The following NLGN1 variants were observed in gnomAD, a reference collection of about 807,000 sequenced individuals.
The protein encoded by NLGN1 is neuroligin 1, also known as neuroligin-1.
A neutral mutation model predicts 65.5 loss-of-function variants in NLGN1; 12 were observed. The ratio of observed to expected loss-of-function variants is 0.18; its 90% CI spans 0.12 to 0.30. The LOEUF (loss-of-function observed/expected upper bound fraction) is 0.30, where lower values mean the gene tolerates loss of function less well. Ranked by LOEUF, NLGN1 falls within the 10% of genes least tolerant of loss-of-function variation. The probability of loss-of-function intolerance (pLI) is 1.00; values close to 1 mark genes in which losing one functional copy is unlikely to be tolerated. For synonymous variants in NLGN1, 350 were observed against 359.5 expected (o/e 0.97, Z 0.30); for missense variants, 750 against 1,007.1 (o/e 0.74, Z 3.46).
At position 174,279,581 on chromosome 3, in the gene NLGN1, A is replaced by G; in HGVS notation, c.1580A>G (p.Asn527Ser). The stretch of plus-strand genomic sequence containing the variant: ...GGCCCTACAGAGTTATTTCCTTGCA[A>G]TTTCTCCAAAAATGATGTGATGCTG... Residue 527 changes from asparagine (N) to serine (S), a missense_variant, in exon 6 of 7, where the codon AAT becomes AGT. By Grantham distance (46) the Asn-to-Ser change is conservative (BLOSUM62 1). Transcript: ENST00000457714. This position sits in a 1 kb window ranked among gnomAD's most constrained non-coding sequence, Gnocchi z 4.7. The G allele has an allele frequency of 6.2e-7, 1 of 1,613,148 alleles. No homozygotes were observed. The highest frequency in any genetic ancestry group is 8.5e-7 in the Non-Finnish European group (1 of 1,179,478).
chr3:173,721,988 A>G (rs1170013846), intron 3 of NLGN1, among the ~76,000 whole-genome samples: 1 of 151,480 alleles, frequency 6.6e-6, no homozygotes, highest in Non-Finnish European at 1.5e-5. Flanking sequence ...GTATTCAATT[A>G]TAAGGGTTTT....
intron 3 of NLGN1, among the ~76,000 whole-genome samples, chr3:173,606,917 G>A (rs536035422): frequency 6.2e-4 from 94 of 152,004 alleles, no homozygotes; most frequent in Non-Finnish European, 1.1e-3. Flanking sequence ...TTTAATTAAT[G>A]TACAATACTG....
In NLGN1 at chr3:173,696,317, T is replaced by C. The variant is rs185986713; in HGVS notation, c.493+91226T>C. On this transcript the variant is annotated intron_variant, in intron 3 of 6. Transcript: ENST00000457714. ...GCTTGTCTTGGCTTCTTGACTCCAA[T>C]GTCTACCTTAGCACTCTAACTTCTC... 6.2e-4 allele frequency among the ~76,000 whole-genome samples: 94 copies of C among 152,340 alleles called. 1 individual carries two copies. Among genetic ancestry groups the C allele is most frequent in the Admixed American group, 6.1e-3 (94 of 15,302 alleles).
chr3:174,116,330 C>CTTTTTTTTTTTTTTTTTTTT lies in NLGN1; in HGVS notation c.647-158977_647-158958dup, dbSNP rs1168837585. On this transcript the variant is annotated intron_variant, in intron 4 of 6. Transcript: ENST00000457714. Reference sequence around the variant, plus strand: ...ACATGTAAGTTTTTTTCTGGGTTTTCTTTTTTTTTTTTTTTTTTTTTTTTT... The same window carrying CTTTTTTTTTTTTTTTTTTTT: ...ACATGTAAGTTTTTTTCTGGGTTTTCTTTTTTTTTTTTTTTTTTTTTTTTTTTTTTTTTTTTTTTTTTTTT... Among the ~76,000 whole-genome samples, 39 of 69,650 alleles carry CTTTTTTTTTTTTTTTTTTTT rather than the reference C, an allele frequency of 5.6e-4. 19 individuals carry two copies. Among genetic ancestry groups the CTTTTTTTTTTTTTTTTTTTT allele is most frequent in the Non-Finnish European group, 6.9e-4 (23 of 33,128 alleles). 45.7% of individuals were successfully genotyped at this position (69,650 alleles called of 152,430 possible).
chr3:173,773,320 C>T (rs140259158), intron 3 of NLGN1, among the ~76,000 whole-genome samples: 253 of 152,244 alleles, frequency 1.7e-3, no homozygotes, highest in African/African-American at 5.5e-3. Context: ...AAGAAATCCT[C>T]CCCAAAAAAC....
At chr3:174,148,127 A>T (rs1723684337) in intron 4 of NLGN1, among the ~76,000 whole-genome samples, 1 of 152,168 alleles carries the variant, frequency 6.6e-6, no homozygotes, top group South Asian at 2.1e-4. Flanking sequence ...GACAAACATG[A>T]GCTGTTCTCC....
chr3:174,014,610 T>C (rs1370090701), intron 4 of NLGN1, among the ~76,000 whole-genome samples: 1 of 152,134 alleles, frequency 6.6e-6, no homozygotes, highest in Non-Finnish European at 1.5e-5. Flanking sequence ...ATTGTTAGTT[T>C]CCAGGAAAAA....
chr3:173,583,042 T>G lies in NLGN1; in HGVS notation c.-320-21237T>G, dbSNP rs79965901. Reference sequence around the variant, plus strand: ...CAGTTATTTATCAGGTTTCCACAAATCCATGAATATTTTTCTGGACTTTCT... The same window carrying G: ...CAGTTATTTATCAGGTTTCCACAAAGCCATGAATATTTTTCTGGACTTTCT... On this transcript the variant is annotated intron_variant, in intron 2 of 6. Transcript: ENST00000457714. Among the ~76,000 whole-genome samples the G allele has an allele frequency of 3.2e-4, 49 of 152,298 alleles. No individual in the cohort carries two copies. In the East Asian group the frequency reaches 9.3e-3, roughly 29 times the overall value.
intron 3 of NLGN1, among the ~76,000 whole-genome samples, chr3:173,656,197 C>T (rs1760003624): frequency 6.6e-6 from 1 of 152,038 alleles, no homozygotes; most frequent in Non-Finnish European, 1.5e-5. Flanking sequence ...CCTTAGGTTT[C>T]CTGCATCCAG....
At chr3:173,448,022 C>T (rs1187306568) in intron 2 of NLGN1, among the ~76,000 whole-genome samples, 1 of 152,202 alleles carries the variant, frequency 6.6e-6, no homozygotes, top group African/African-American at 2.4e-5. Flanking sequence ...GACAATTTTA[C>T]TTCCTCTTGT....
intron 2 of NLGN1, among the ~76,000 whole-genome samples, chr3:173,569,804 T>C (rs762558538): frequency 6.6e-6 from 1 of 152,188 alleles, no homozygotes; most frequent in Non-Finnish European, 1.5e-5. Context: ...CAATATGATA[T>C]AGCATAGGCA....
chr3:174,249,153 C>A (rs1744327544), intron 4 of NLGN1, among the ~76,000 whole-genome samples: 1 of 152,104 alleles, frequency 6.6e-6, no homozygotes. Context: ...AAAAACATAC[C>A]TTTTATAGGT....
intron 3 of NLGN1, among the ~76,000 whole-genome samples, chr3:173,783,566 T>G (rs1359461596): frequency 1.3e-5 from 2 of 152,208 alleles, no homozygotes; most frequent in Non-Finnish European, 2.9e-5. Flanking sequence ...TGGAAACATG[T>G]TCTAGTATAT....
chr3:173,939,725 A>G (rs1335225513), intron 4 of NLGN1, among the ~76,000 whole-genome samples: 1 of 152,180 alleles, frequency 6.6e-6, no homozygotes, highest in East Asian at 1.9e-4. Context: ...AGAGAATTCA[A>G]TGCTTGTTTT....
At chr3:173,403,701 A>T (rs1718121905) in intron 1 of NLGN1, among the ~76,000 whole-genome samples, 1 of 152,150 alleles carries the variant, frequency 6.6e-6, no homozygotes, top group African/African-American at 2.4e-5. Context: ...GTCCTTAATC[A>T]TCTTCTTTTA....
At chr3:173,660,891 T>C (rs371378101) in intron 3 of NLGN1, among the ~76,000 whole-genome samples, 3 of 152,136 alleles carry the variant, frequency 2.0e-5, no homozygotes, top group East Asian at 3.9e-4. Context: ...GAAGTTTGGC[T>C]TAATTTCAGA....
chr3:174,148,475 G>A (rs1307559972), intron 4 of NLGN1, among the ~76,000 whole-genome samples: 1 of 152,060 alleles, frequency 6.6e-6, no homozygotes, highest in Non-Finnish European at 1.5e-5. Flanking sequence ...TAACCCTATA[G>A]CTACACTTGC....
chr3:173,792,431 A>G (rs1044604390), intron 3 of NLGN1, among the ~76,000 whole-genome samples: 2 of 152,198 alleles, frequency 1.3e-5, no homozygotes, highest in African/African-American at 4.8e-5. Flanking sequence ...GGGCCAAAAT[A>G]CAAAGTAATA....
chr3:174,049,716 A>G (rs1189166945), intron 4 of NLGN1, among the ~76,000 whole-genome samples: 2 of 152,160 alleles, frequency 1.3e-5, no homozygotes, highest in African/African-American at 4.8e-5. Context: ...AAGTGCTTTA[A>G]TTCTTTGGAA....
Sources: allele counts gnomAD v4.1 joint callset (sites outside exome capture counted in the v4.1 genomes callset), GRCh38; gene constraint gnomAD v4.1.1; non-coding constraint Gnocchi (gnomAD v3.1); transcripts MANE v1.5; gene names NCBI Gene and HGNC (gene_info 2026-07-23, HGNC 2026-07-21).